Variants in SKAP2 observed in about 807,000 individuals in gnomAD.
SKAP2 encodes the protein src kinase-associated phosphoprotein 2.
In SKAP2, 28 loss-of-function variants were observed where a neutral mutation model predicts 54.9. The observed-to-expected ratio is 0.51, with a 90% CI of 0.38 to 0.70. The LOEUF is 0.70. SKAP2 is among the 30% of genes least tolerant of loss of function. SKAP2 has a pLI of 0.00. For synonymous variants in SKAP2, 137 were observed against 134.3 expected (o/e 1.02, Z -0.14); for missense variants, 356 against 424.1 (o/e 0.84, Z 1.41).
At chr7:26,786,214 T>C (rs950855055) in intron 4 of SKAP2, among the ~76,000 whole-genome samples, 3 of 152,140 alleles carry the variant, frequency 2.0e-5, no homozygotes, top group Non-Finnish European at 4.4e-5. Flanking sequence ...TTAACTAAGA[T>C]TAACATTTAA....
At chr7:26,675,754 A>G (rs1584323891) in intron 11 of SKAP2, among the ~76,000 whole-genome samples, 1 of 152,226 alleles carries the variant, frequency 6.6e-6, no homozygotes, top group East Asian at 1.9e-4. Context: ...GTTCTGAAGC[A>G]TTCACATGTA....
intron 9 of SKAP2, among the ~76,000 whole-genome samples, chr7:26,704,093 C>G (rs1163702257): frequency 1.3e-5 from 2 of 152,174 alleles, no homozygotes; most frequent in East Asian, 3.9e-4. Flanking sequence ...TTTTAACACT[C>G]TTCAATGATA....
intron 11 of SKAP2, among the ~76,000 whole-genome samples, chr7:26,671,525 T>G (rs1379537541): frequency 6.6e-6 from 1 of 152,048 alleles, no homozygotes; most frequent in African/African-American, 2.4e-5. Context: ...AGAGAGATTA[T>G]AGGATAAAAT....
intron 4 of SKAP2, among the ~76,000 whole-genome samples, chr7:26,751,135 T>C (rs1584368343): frequency 1.3e-5 from 2 of 152,168 alleles, no homozygotes; most frequent in African/African-American, 2.4e-5. Flanking sequence ...AGAGTTATAA[T>C]GTCTTCTACA....
chr7:26,698,378 C>T (rs1786942410), intron 9 of SKAP2, among the ~76,000 whole-genome samples: 1 of 152,136 alleles, frequency 6.6e-6, no homozygotes, highest in Non-Finnish European at 1.5e-5. Context: ...AATACTAAGA[C>T]ATTATGTGTC....
intron 11 of SKAP2, among the ~76,000 whole-genome samples, chr7:26,672,784 G>T (rs975675661): frequency 6.6e-6 from 1 of 151,906 alleles, no homozygotes; most frequent in South Asian, 2.1e-4. Context: ...ACTATTCTCT[G>T]TATGAGCCTC....
At chr7:26,722,553 G>A (rs150968894) in intron 9 of SKAP2, among the ~76,000 whole-genome samples, 1,908 of 151,544 alleles carry the variant, frequency 0.013, 19 homozygotes, top group South Asian at 0.033. Flanking sequence ...CACCATGCCC[G>A]GCTAATTTTT....
intron 11 of SKAP2, among the ~76,000 whole-genome samples, chr7:26,673,307 A>G (rs1442809596): frequency 1.3e-5 from 2 of 152,124 alleles, no homozygotes; most frequent in Non-Finnish European, 2.9e-5. Flanking sequence ...ACTGTACTTC[A>G]GGAGGACTGA....
chr7:26,775,117 C>T (rs1402283735), intron 4 of SKAP2, among the ~76,000 whole-genome samples: 1 of 152,160 alleles, frequency 6.6e-6, no homozygotes, highest in Admixed American at 6.6e-5. Context: ...CAACTCTCTT[C>T]GCTTTTCTCA....
intron 9 of SKAP2, among the ~76,000 whole-genome samples, chr7:26,708,031 A>G (rs1787204919): frequency 6.6e-6 from 1 of 152,182 alleles, no homozygotes; most frequent in Admixed American, 6.5e-5. Context: ...ATAAGCTCAC[A>G]ATACATGGAC....
intron 10 of SKAP2, 73 bp from the exon 11 acceptor site, chr7:26,684,921 G>T: frequency 1.2e-6 from 1 of 823,708 alleles, no homozygotes; most frequent in Non-Finnish European, 2.0e-6. Context: ...TTAACCAGTA[G>T]AAATTAAATG....
intron 4 of SKAP2, among the ~76,000 whole-genome samples, chr7:26,803,476 G>A (rs931542552): frequency 6.6e-6 from 1 of 152,214 alleles, no homozygotes; most frequent in Non-Finnish European, 1.5e-5. Flanking sequence ...AGCAAATGCT[G>A]ACGAGCATGT....
intron 4 of SKAP2, 150 bp downstream of exon 4, chr7:26,843,880 T>C: frequency 2.0e-6 from 1 of 512,224 alleles, no homozygotes; most frequent in Non-Finnish European, 3.5e-6. Flanking sequence ...CCAGAACCAC[T>C]AGAGAGAGCT....
At chr7:26,672,636 T>C (rs1235436966) in intron 11 of SKAP2, among the ~76,000 whole-genome samples, 3 of 152,050 alleles carry the variant, frequency 2.0e-5, no homozygotes, top group Non-Finnish European at 4.4e-5. Context: ...AATTGCAAAT[T>C]ATATTCCTGT....
At chr7:26,774,659 C>T (rs1783264982) in intron 4 of SKAP2, among the ~76,000 whole-genome samples, 1 of 152,158 alleles carries the variant, frequency 6.6e-6, no homozygotes, top group Non-Finnish European at 1.5e-5. Context: ...CATGCCACCA[C>T]TTCTTTTGCC....
In SKAP2 at chr7:26,842,093, T is replaced by C. The variant is rs554773539; in HGVS notation, c.307+1937A>G. 3.1e-4 allele frequency among the ~76,000 whole-genome samples: 47 copies of C among 151,946 alleles called. No individual in the cohort carries two copies. In the South Asian group the frequency reaches 9.3e-3, roughly 30 times the overall value. On this transcript the variant is annotated intron_variant, in intron 4 of 12. Coordinates refer to ENST00000345317, the MANE Select transcript of SKAP2 (RefSeq NM_003930.5). ...GAGTGAATATTAAATGTCCAAGTGGTAGTTTAAAAATTAATTTTAATAATG... is the reference window on the plus strand; with the variant it reads ...GAGTGAATATTAAATGTCCAAGTGGCAGTTTAAAAATTAATTTTAATAATG...
intron 4 of SKAP2, among the ~76,000 whole-genome samples, chr7:26,842,964 T>C (rs930175698): frequency 1.3e-5 from 2 of 152,014 alleles, no homozygotes; most frequent in African/African-American, 2.4e-5. Context: ...ATGACTATTA[T>C]TGCTACACTT....
chr7:26,713,295 T>A (rs1204558922), intron 9 of SKAP2, among the ~76,000 whole-genome samples: 1 of 152,244 alleles, frequency 6.6e-6, no homozygotes, highest in Non-Finnish European at 1.5e-5. Flanking sequence ...ATTATCCTCT[T>A]ATCTTGTGTC....
chr7:26,768,951 G>A (rs145503239), intron 4 of SKAP2, among the ~76,000 whole-genome samples: 2,438 of 152,164 alleles, frequency 0.016, 64 homozygotes, highest in African/African-American at 0.055. Flanking sequence ...TGCTCTTCTC[G>A]AGGAGTATCT....
Sources: gnomAD v4.1 joint callset for allele counts (sites outside exome capture counted in the v4.1 genomes callset) on GRCh38, gnomAD v4.1.1 for gene constraint, MANE v1.5 for transcripts, NCBI Gene and HGNC (gene_info 2026-07-23, HGNC 2026-07-21) for gene names.